Variants in PDE7B observed in about 807,000 individuals in gnomAD.
PDE7B encodes the protein 3',5'-cyclic-AMP phosphodiesterase 7B.
Under a neutral mutation model 56.2 loss-of-function variants are expected in PDE7B, and 29 were observed. That is an observed-to-expected ratio of 0.52 (90% CI 0.38 to 0.70). The LOEUF (loss-of-function observed/expected upper bound fraction) is 0.70, where lower values mean the gene tolerates loss of function less well. Among genes scored for constraint, PDE7B ranks in the 30% least tolerant of loss-of-function variants. The pLI is 0.00. For synonymous variants in PDE7B, 197 were observed against 196.9 expected (o/e 1.00, Z 0.00); for missense variants, 490 against 565.0 (o/e 0.87, Z 1.35).
At chr6:136,016,710 C>T (rs961653307) in intron 2 of PDE7B, among the ~76,000 whole-genome samples, 2 of 151,904 alleles carry the variant, frequency 1.3e-5, no homozygotes, top group Non-Finnish European at 2.9e-5. Flanking sequence ...GGGCAGGCCT[C>T]GGACAAGTTC....
intron 3 of PDE7B, chr6:136,111,091 T>C (rs1233943189): frequency 6.6e-6 from 1 of 152,174 alleles, no homozygotes; most frequent in Non-Finnish European, 1.5e-5. Flanking sequence ...CTTTCACCCA[T>C]GTCTCTTACT....
At chr6:135,905,887 G>C (rs1776091056) in intron 1 of PDE7B, among the ~76,000 whole-genome samples, 1 of 152,160 alleles carries the variant, frequency 6.6e-6, no homozygotes, top group Non-Finnish European at 1.5e-5. Flanking sequence ...GCATCGTTTT[G>C]CTGGATTGTT....
At chr6:135,915,274 T>A (rs2128194462) in intron 1 of PDE7B, among the ~76,000 whole-genome samples, 1 of 152,314 alleles carries the variant, frequency 6.6e-6, no homozygotes, top group Admixed American at 6.5e-5. Context: ...TGTGGATGTA[T>A]GTTTTCACTT....
At chr6:135,918,264 C>T (rs1773995277) in intron 1 of PDE7B, among the ~76,000 whole-genome samples, 1 of 152,074 alleles carries the variant, frequency 6.6e-6, no homozygotes, top group Non-Finnish European at 1.5e-5. Context: ...TCATGGTATT[C>T]CTTTCTCCTA....
intron 1 of PDE7B, among the ~76,000 whole-genome samples, chr6:135,935,218 T>TTTTATATATATATA (rs1774401563): frequency 2.3e-4 from 8 of 34,728 alleles, no homozygotes; most frequent in African/African-American, 1.0e-3. Flanking sequence ...ATATATATAT[T>TTTTATATATATATA]TTCATGATTC....
At chr6:135,996,995 A>G (rs1171829641) in intron 2 of PDE7B, among the ~76,000 whole-genome samples, 1 of 151,704 alleles carries the variant, frequency 6.6e-6, no homozygotes, top group Non-Finnish European at 1.5e-5. Context: ...ACCATCATCC[A>G]CTCCTCTGAA....
chr6:136,089,604 T>C (rs570682529), intron 2 of PDE7B, among the ~76,000 whole-genome samples: 3 of 152,306 alleles, frequency 2.0e-5, no homozygotes, highest in African/African-American at 4.8e-5. Flanking sequence ...GAATGTTATA[T>C]TGACACTGTT....
intron 2 of PDE7B, among the ~76,000 whole-genome samples, chr6:136,102,685 C>T (rs562415400): frequency 6.6e-5 from 10 of 152,220 alleles, no homozygotes; most frequent in Admixed American, 4.6e-4. Context: ...TTATGAGACT[C>T]CTATGTTCCT....
chr6:135,856,651 C>G (rs1050294529), intron 1 of PDE7B, among the ~76,000 whole-genome samples: 1 of 152,114 alleles, frequency 6.6e-6, no homozygotes, highest in Admixed American at 6.5e-5. Context: ...CAGAGCATTC[C>G]AGCTGGTGTC....
intron 2 of PDE7B, among the ~76,000 whole-genome samples, chr6:135,981,766 CTT>C (rs561731987): frequency 7.0e-6 from 1 of 143,032 alleles, no homozygotes. Flanking sequence ...ACAATTAACT[CTT>C]TTTTTTTTTT....
intron 2 of PDE7B, among the ~76,000 whole-genome samples, chr6:135,962,971 T>C (rs1003230399): frequency 6.6e-6 from 1 of 152,208 alleles, no homozygotes; most frequent in African/African-American, 2.4e-5. Flanking sequence ...TTTGTGGTTC[T>C]GCGGCAAATG....
chr6:136,086,312 T>G (rs1364470178), intron 2 of PDE7B, among the ~76,000 whole-genome samples: 1 of 152,150 alleles, frequency 6.6e-6, no homozygotes, highest in Non-Finnish European at 1.5e-5. Context: ...TGAAGCTACT[T>G]GTCCATTCAG....
rs557383140 is a variant in PDE7B, at chr6:136,064,852, C to A, written c.83-43879C>A. Among the ~76,000 whole-genome samples the A allele has an allele frequency of 2.0e-5, 3 of 152,316 alleles. No individual in the cohort carries two copies. In the South Asian group the frequency reaches 6.2e-4, roughly 32 times the overall value. On this transcript the variant is annotated intron_variant, in intron 2 of 12. Transcript: ENST00000308191. Reference sequence around the variant, plus strand: ...TTATGTTTCATTTCTGCCTTCCTCTCAAAACACTGTAAGCCCCCCAAGAGC... The same window carrying A: ...TTATGTTTCATTTCTGCCTTCCTCTAAAAACACTGTAAGCCCCCCAAGAGC...
In PDE7B at chr6:136,108,731, G is replaced by A; in HGVS notation, c.83G>A (p.Gly28Glu). The A allele has an allele frequency of 6.3e-7, 1 of 1,598,412 alleles. No homozygotes were observed. Among genetic ancestry groups the A allele is most frequent in the Non-Finnish European group, 8.6e-7 (1 of 1,165,756 alleles). ...TTTGTTTGGATTTTCTGTTTTCTAG[G>A]AGATATACGACTAAGGGGTCAGACG... ...DQNAKCVCML[G>E]DIRLRGQTGV... The change falls in exon 3 of 13, where the codon GGA (glycine) becomes GAA (glutamate). Residue 28 changes from glycine (G) to glutamate (E), a missense_variant and splice_region_variant. Coordinates refer to ENST00000308191, the MANE Select transcript of PDE7B (RefSeq NM_018945.4).
chr6:135,889,440 ATTTTTTTT>A (rs11440304), intron 1 of PDE7B, among the ~76,000 whole-genome samples: 2 of 103,378 alleles, frequency 1.9e-5, no homozygotes, highest in Non-Finnish European at 3.8e-5. Context: ...GGTGCTACCA[ATTTTTTTT>A]TTTTTTTTTT....
chr6:136,041,188 C>A (rs1034137603), intron 2 of PDE7B, among the ~76,000 whole-genome samples: 2 of 152,128 alleles, frequency 1.3e-5, no homozygotes, highest in African/African-American at 2.4e-5. Context: ...TTTAATGGAA[C>A]CTTAAAAGTC....
intron 1 of PDE7B, among the ~76,000 whole-genome samples, chr6:135,915,165 G>A (rs901505614): frequency 6.6e-6 from 1 of 151,594 alleles, no homozygotes; most frequent in African/African-American, 2.4e-5. Flanking sequence ...TTATTCTAAT[G>A]TGTGTATACC....
At chr6:136,130,185 GTC>G (rs763249370) in intron 3 of PDE7B, among the ~76,000 whole-genome samples, 3 of 152,146 alleles carry the variant, frequency 2.0e-5, no homozygotes, top group Non-Finnish European at 4.4e-5. Flanking sequence ...AAAGGATACA[GTC>G]TCATAGAGCG....
At chr6:135,989,947 T>C (rs1223514537) in intron 2 of PDE7B, among the ~76,000 whole-genome samples, 1 of 152,172 alleles carries the variant, frequency 6.6e-6, no homozygotes, top group African/African-American at 2.4e-5. Flanking sequence ...GAAAGTTTGC[T>C]TTTATGGAAC....
Sources: gnomAD v4.1 joint callset for allele counts (sites outside exome capture counted in the v4.1 genomes callset) on GRCh38, gnomAD v4.1.1 for gene constraint, MANE v1.5 for transcripts, NCBI Gene and HGNC (gene_info 2026-07-23, HGNC 2026-07-21) for gene names.